SYN3: variants seen among roughly 807,000 people sequenced by gnomAD.
The protein encoded by SYN3 is synapsin III, also known as synapsin-3.
A neutral mutation model predicts 65.8 loss-of-function variants in SYN3; 35 were observed. The ratio of observed to expected loss-of-function variants is 0.53; its 90% CI spans 0.41 to 0.70. SYN3 has a LOEUF of 0.70. Ranked by LOEUF, SYN3 falls within the 30% of genes least tolerant of loss-of-function variation. The probability of loss-of-function intolerance (pLI) is 0.00; values close to 1 mark genes in which losing one functional copy is unlikely to be tolerated. For synonymous variants in SYN3, 270 were observed against 292.9 expected, an observed-to-expected ratio of 0.92 and a Z score of 0.80; for missense variants, 680 against 749.0, an observed-to-expected ratio of 0.91 and a Z score of 1.08.
At chr22:32,971,459 C>T (rs1262950791) in intron 3 of SYN3, among the ~76,000 whole-genome samples, 2 of 152,206 alleles carry the variant, frequency 1.3e-5, no homozygotes, top group Non-Finnish European at 2.9e-5. Flanking sequence ...CTTAGTGGAT[C>T]AGAGCGGGTA....
intron 4 of SYN3, among the ~76,000 whole-genome samples, chr22:32,918,873 C>G (rs61145160): frequency 6.6e-6 from 1 of 152,158 alleles, no homozygotes; most frequent in East Asian, 1.9e-4. Context: ...AGTGACTGAT[C>G]GAAGGCCTTG....
intron 6 of SYN3, among the ~76,000 whole-genome samples, chr22:32,805,027 G>C (rs112068157): frequency 4.0e-4 from 2 of 4,958 alleles, no homozygotes; most frequent in Admixed American, 4.4e-3. Context: ...GCGTGTGTGC[G>C]TGTGTGTGTG....
At chr22:32,941,440 T>G (rs1397325123) in intron 3 of SYN3, among the ~76,000 whole-genome samples, 1 of 152,218 alleles carries the variant, frequency 6.6e-6, no homozygotes, top group Non-Finnish European at 1.5e-5. Flanking sequence ...TGCTAGCCAG[T>G]GCATTTTTAA....
intron 1 of SYN3, among the ~76,000 whole-genome samples, chr22:33,039,541 C>T (rs1397138052): frequency 6.6e-6 from 1 of 152,132 alleles, no homozygotes; most frequent in African/African-American, 2.4e-5. Flanking sequence ...ATTACAGGTG[C>T]CTGCCACCAC....
At chr22:32,786,923 G>A (rs1056160818) in intron 6 of SYN3, among the ~76,000 whole-genome samples, 1 of 152,150 alleles carries the variant, frequency 6.6e-6, no homozygotes, top group Non-Finnish European at 1.5e-5. Context: ...CTGGGGGCTG[G>A]AAGGACCAGG....
intron 6 of SYN3, among the ~76,000 whole-genome samples, chr22:32,815,630 T>C (rs1416713638): frequency 6.6e-6 from 1 of 152,216 alleles, no homozygotes; most frequent in Non-Finnish European, 1.5e-5. Flanking sequence ...TATATACATA[T>C]ATACATGTAA....
At chr22:32,746,242 A>G (rs1284171965) in intron 6 of SYN3, among the ~76,000 whole-genome samples, 2 of 152,224 alleles carry the variant, frequency 1.3e-5, no homozygotes, top group Non-Finnish European at 2.9e-5. Context: ...AGGAGCTCCA[A>G]GAATCCCCCT....
intron 7 of SYN3, among the ~76,000 whole-genome samples, chr22:32,577,461 T>A (rs1258964759): frequency 6.6e-6 from 1 of 152,222 alleles, no homozygotes; most frequent in African/African-American, 2.4e-5. Context: ...TGTCCATTCA[T>A]CTTTGGATCC....
At chr22:32,779,444 C>A (rs2045981287) in intron 6 of SYN3, among the ~76,000 whole-genome samples, 2 of 151,828 alleles carry the variant, frequency 1.3e-5, no homozygotes, top group Admixed American at 6.6e-5. Context: ...TGGGCAACAG[C>A]GTGAGATTCT....
chr22:32,759,909 CAGCAG>C (rs1249330759), intron 6 of SYN3, among the ~76,000 whole-genome samples: 12 of 91,738 alleles, frequency 1.3e-4, no homozygotes, highest in South Asian at 1.1e-3. Flanking sequence ...ACCCACCCAC[CAGCAG>C]CCAGTACCCA....
At position 32,681,164 on chromosome 22, in the gene SYN3, G is replaced by C. The variant is rs921965664; in HGVS notation, c.712-84428C>G. Among the ~76,000 whole-genome samples the C allele has an allele frequency of 2.1e-4, 32 of 152,214 alleles. 1 individual carries two copies. Among genetic ancestry groups the C allele is most frequent in the Admixed American group, 1.8e-3 (27 of 15,292 alleles). ...TGAGGTGGCAGAGTCGACAGGGGTT[G>C]CAGAGGGTGTAGAGAAGTGGTTCTC... On this transcript the variant is annotated intron_variant, in intron 6 of 13. Transcript: ENST00000358763.
At chr22:33,045,760 T>C (rs937223139) in intron 1 of SYN3, among the ~76,000 whole-genome samples, 4 of 152,164 alleles carry the variant, frequency 2.6e-5, no homozygotes, top group African/African-American at 7.2e-5. Flanking sequence ...AATTCTTTTT[T>C]AACCACTTCT....
intron 1 of SYN3, among the ~76,000 whole-genome samples, chr22:33,028,392 G>A (rs564260343): frequency 2.7e-4 from 41 of 152,338 alleles, no homozygotes; most frequent in African/African-American, 6.3e-4. Context: ...AGAGAAGGCC[G>A]TGCTGCTGGC....
At chr22:32,637,123 C>T (rs906405877) in intron 6 of SYN3, among the ~76,000 whole-genome samples, 2 of 152,174 alleles carry the variant, frequency 1.3e-5, no homozygotes, top group Non-Finnish European at 2.9e-5. Flanking sequence ...GGAGTCCCTG[C>T]AGGGAGGAAG....
chr22:33,012,374 T>C (rs981278351), intron 1 of SYN3, among the ~76,000 whole-genome samples: 7 of 152,240 alleles, frequency 4.6e-5, no homozygotes, highest in African/African-American at 1.4e-4. Flanking sequence ...ACACAGTCTA[T>C]AAGGTTTTAA....
At chr22:32,865,537 A>G (rs2048666531) in intron 5 of SYN3, among the ~76,000 whole-genome samples, 1 of 152,238 alleles carries the variant, frequency 6.6e-6, no homozygotes, top group Non-Finnish European at 1.5e-5. Flanking sequence ...GTAAGGATAC[A>G]GTGTGTCAGA....
intron 6 of SYN3, among the ~76,000 whole-genome samples, chr22:32,790,194 C>T (rs80268): frequency 0.57 from 86,732 of 151,994 alleles, 26,074 homozygotes; most frequent in East Asian, 0.87. Flanking sequence ...GGTGTAAATA[C>T]TTCCATCATA....
chr22:32,731,857 G>GT (rs1242005332), intron 6 of SYN3, among the ~76,000 whole-genome samples: 2 of 152,176 alleles, frequency 1.3e-5, no homozygotes, highest in Admixed American at 1.3e-4. Flanking sequence ...GGCTCTGAAA[G>GT]CAGGCCACCT....
chr22:32,781,980 C>G (rs542055057), intron 6 of SYN3, among the ~76,000 whole-genome samples: 32 of 151,992 alleles, frequency 2.1e-4, no homozygotes, highest in Non-Finnish European at 4.1e-4. Context: ...CTCTTTCTAT[C>G]TTCTCAGAAG....
Sources: allele counts gnomAD v4.1 joint callset (sites outside exome capture counted in the v4.1 genomes callset), GRCh38; gene constraint gnomAD v4.1.1; transcripts MANE v1.5; gene names NCBI Gene and HGNC (gene_info 2026-07-23, HGNC 2026-07-21).